The following NAALADL2 variants were observed in gnomAD, a reference collection of about 807,000 sequenced individuals.
NAALADL2 encodes the protein N-acetylated alpha-linked acidic dipeptidase like 2.
A neutral mutation model predicts 87.2 loss-of-function variants in NAALADL2; 76 were observed. The ratio of observed to expected loss-of-function variants is 0.87; its 90% CI spans 0.72 to 1.05. The LOEUF is 1.05. Among genes scored for constraint, NAALADL2 ranks in the 50% least tolerant of loss-of-function variants. The pLI is 0.00. For missense variants in NAALADL2, 1,089 were observed against 945.8 expected, an observed-to-expected ratio of 1.15 and a Z score of -1.99; for synonymous variants, 354 against 331.0, an observed-to-expected ratio of 1.07 and a Z score of -0.75.
chr3:175,397,817 C>G (rs964062576), intron 5 of NAALADL2, among the ~76,000 whole-genome samples: 2 of 152,044 alleles, frequency 1.3e-5, no homozygotes, highest in African/African-American at 4.8e-5. Context: ...AGTTTCATAG[C>G]CCTTGAGAGA....
intron 4 of NAALADL2, among the ~76,000 whole-genome samples, chr3:175,307,125 A>G (rs981176268): frequency 1.3e-5 from 2 of 152,158 alleles, no homozygotes; most frequent in African/African-American, 2.4e-5. Flanking sequence ...GTCACTATGA[A>G]GAGATCTGTA....
intron 3 of NAALADL2, among the ~76,000 whole-genome samples, chr3:174,804,708 TTA>T (rs1441124607): frequency 6.6e-6 from 1 of 152,124 alleles, no homozygotes; most frequent in Admixed American, 6.6e-5. Context: ...AGATGGAAAT[TTA>T]TATGTGACTG....
At chr3:175,747,195 C>G (rs182571679) in intron 12 of NAALADL2, among the ~76,000 whole-genome samples, 8 of 152,154 alleles carry the variant, frequency 5.3e-5, no homozygotes, top group African/African-American at 1.9e-4. Flanking sequence ...TAATTATTAT[C>G]CTAAGCACAT....
In NAALADL2 at chr3:175,043,808, T is replaced by G. The variant is rs984550669; in HGVS notation, c.44-52982T>G. ...TGTAATAAAATTTGAAATCAGGAAG[T>G]GTTACTGCCTCTAGATTTGTTCTAC... On this transcript the variant is annotated intron_variant, in intron 1 of 13. Transcript: ENST00000454872. 2.0e-5 allele frequency among the ~76,000 whole-genome samples: 3 copies of G among 152,290 alleles called. No individual in the cohort carries two copies. In the East Asian group the frequency reaches 5.8e-4, roughly 29 times the overall value.
chr3:175,341,910 T>C (rs901266046), intron 5 of NAALADL2, among the ~76,000 whole-genome samples: 6 of 152,146 alleles, frequency 3.9e-5, no homozygotes, highest in Non-Finnish European at 7.4e-5. Context: ...GTCTCAGTAC[T>C]GTTTGTTGAA....
intron 3 of NAALADL2, among the ~76,000 whole-genome samples, chr3:174,851,049 C>T (rs2109474916): frequency 6.6e-6 from 1 of 152,018 alleles, no homozygotes; most frequent in South Asian, 2.1e-4. Context: ...GAAGTTTTTT[C>T]AATTCTAGAA....
chr3:175,031,642 A>T (rs1345799404), intron 1 of NAALADL2, among the ~76,000 whole-genome samples: 1 of 151,964 alleles, frequency 6.6e-6, no homozygotes. Context: ...CCCAGTAGTG[A>T]GATTGCTGGA....
At chr3:174,533,198 G>A (rs530269796) in intron 1 of NAALADL2, among the ~76,000 whole-genome samples, 13 of 151,298 alleles carry the variant, frequency 8.6e-5, no homozygotes, top group East Asian at 4.0e-4. Context: ...CAGGACTTGC[G>A]TCAGGAATAA....
intron 1 of NAALADL2, among the ~76,000 whole-genome samples, chr3:174,883,960 C>T (rs73045463): frequency 0.026 from 3,904 of 152,244 alleles, 146 homozygotes; most frequent in African/African-American, 0.083. Context: ...AGGCTGATTT[C>T]ATCTTGAGAG....
intron 1 of NAALADL2, among the ~76,000 whole-genome samples, chr3:174,540,538 C>G (rs1295284622): frequency 6.6e-6 from 1 of 152,178 alleles, no homozygotes; most frequent in Non-Finnish European, 1.5e-5. Flanking sequence ...CAAAACTGTG[C>G]TATGAAGGCT....
At chr3:174,501,214 G>C (rs1357591823) in intron 1 of NAALADL2, among the ~76,000 whole-genome samples, 2 of 147,564 alleles carry the variant, frequency 1.4e-5, no homozygotes, top group Admixed American at 1.3e-4. Context: ...AAGTAGCTGG[G>C]ACTACAGGCG....
intron 1 of NAALADL2, among the ~76,000 whole-genome samples, chr3:174,462,243 C>T (rs1716261728): frequency 6.6e-6 from 1 of 151,934 alleles, no homozygotes; most frequent in African/African-American, 2.4e-5. Context: ...GTTATTGGAA[C>T]GTTTGTCCTT....
intron 1 of NAALADL2, among the ~76,000 whole-genome samples, chr3:174,467,265 A>T (rs1291780646): frequency 6.6e-6 from 1 of 152,186 alleles, no homozygotes; most frequent in Admixed American, 6.6e-5. Context: ...ATGGATTTAT[A>T]ATATTACTTT....
At chr3:174,942,135 ATAG>A (rs1738697921) in intron 1 of NAALADL2, among the ~76,000 whole-genome samples, 1 of 152,064 alleles carries the variant, frequency 6.6e-6, no homozygotes, top group South Asian at 2.1e-4. Context: ...AAACATGCTG[ATAG>A]TAGTTTTCCT....
intron 2 of NAALADL2, among the ~76,000 whole-genome samples, chr3:175,131,134 T>G (rs951457471): frequency 5.9e-5 from 9 of 151,908 alleles, no homozygotes; most frequent in Non-Finnish European, 7.4e-5. Flanking sequence ...TTGGTTAAGT[T>G]TATTTCTAAG....
intron 6 of NAALADL2, among the ~76,000 whole-genome samples, chr3:175,455,211 T>C (rs572898834): frequency 1.4e-4 from 21 of 152,156 alleles, no homozygotes; most frequent in African/African-American, 4.3e-4. Flanking sequence ...GCTGGCCTCT[T>C]GTTGATGCCT....
At chr3:174,696,270 A>G (rs1325127883) in intron 2 of NAALADL2, among the ~76,000 whole-genome samples, 1 of 152,010 alleles carries the variant, frequency 6.6e-6, no homozygotes, top group Non-Finnish European at 1.5e-5. Flanking sequence ...ACTCAATTAT[A>G]TGCATAATAC....
chr3:175,534,711 T>C (rs1362246299), intron 9 of NAALADL2, among the ~76,000 whole-genome samples: 1 of 151,886 alleles, frequency 6.6e-6, no homozygotes, highest in African/African-American at 2.4e-5. Flanking sequence ...ATTTAAATGA[T>C]AAAGGAGGCC....
At chr3:175,162,546 A>G (rs1253012492) in intron 2 of NAALADL2, among the ~76,000 whole-genome samples, 1 of 152,242 alleles carries the variant, frequency 6.6e-6, no homozygotes, top group South Asian at 2.1e-4. Flanking sequence ...TCTTGTACAT[A>G]GCTAATACAA....
Sources: gnomAD v4.1 joint callset for allele counts (sites outside exome capture counted in the v4.1 genomes callset) on GRCh38, gnomAD v4.1.1 for gene constraint, MANE v1.5 for transcripts, NCBI Gene and HGNC (gene_info 2026-07-23, HGNC 2026-07-21) for gene names.